AKR1C3: variants seen among roughly 807,000 people sequenced by gnomAD.
AKR1C3 encodes the protein aldo-keto reductase family 1 member C3.
Under a neutral mutation model 43.6 loss-of-function variants are expected in AKR1C3, and 48 were observed. That is an observed-to-expected ratio of 1.10 (90% confidence interval 0.87 to 1.40). The LOEUF is 1.40. Among genes scored for constraint, AKR1C3 ranks in the 40% most tolerant of loss-of-function variants. The pLI, the probability that AKR1C3 is intolerant of heterozygous loss-of-function variation, is 0.00. For missense variants in AKR1C3, 482 were observed against 391.2 expected (o/e 1.23, Z -1.96); for synonymous variants, 162 against 139.6 (o/e 1.16, Z -1.13).
chr10:5,067,005 C>G (rs1838519108), intron 1 of AKR1C3, among the ~76,000 whole-genome samples: 2 of 152,152 alleles, frequency 1.3e-5, no homozygotes, highest in Admixed American at 6.5e-5. Context: ...TCTCTTTAAC[C>G]CATGATGTGG....
chr10:5,050,020 G>C (rs1838120333), intron 1 of AKR1C3, among the ~76,000 whole-genome samples: 1 of 122,938 alleles, frequency 8.1e-6, no homozygotes, highest in African/African-American at 3.5e-5. Context: ...CTGCCCATGT[G>C]GCCGCATTAG....
chr10:5,093,793 C>A (rs978012228), upstream of AKR1C3: 9 of 152,044 alleles, frequency 5.9e-5, no homozygotes, highest in Non-Finnish European at 1.2e-4. Flanking sequence ...TTTATTTGCA[C>A]CCTCATCAGG....
intron 1 of AKR1C3, among the ~76,000 whole-genome samples, chr10:5,063,131 A>G (rs1315354022): frequency 6.6e-6 from 1 of 152,198 alleles, no homozygotes; most frequent in Non-Finnish European, 1.5e-5. Flanking sequence ...AAATTTTGGA[A>G]TTGTACTCTA....
intron 7 of AKR1C3, among the ~76,000 whole-genome samples, chr10:5,102,986 A>T (rs12775701): frequency 6.6e-6 from 1 of 150,522 alleles, no homozygotes; most frequent in Admixed American, 6.6e-5. Context: ...TGTCTCCCAG[A>T]TGGGATGATT....
chr10:5,095,309 C>T (rs538843923), intron 1 of AKR1C3, among the ~76,000 whole-genome samples: 2 of 152,024 alleles, frequency 1.3e-5, no homozygotes, highest in South Asian at 4.2e-4. Flanking sequence ...CTCACTTTAT[C>T]GATAAGTTGT....
intron 1 of AKR1C3, among the ~76,000 whole-genome samples, chr10:5,050,632 CAT>C (rs1554778844): frequency 6.6e-6 from 1 of 152,032 alleles, no homozygotes; most frequent in African/African-American, 2.4e-5. Flanking sequence ...GAAAATAAAA[CAT>C]AAAAAGGAAA....
At chr10:5,099,658 G>C in intron 5 of AKR1C3, 1 of 830,970 alleles carries the variant, frequency 1.2e-6, no homozygotes, top group Non-Finnish European at 1.8e-6. Flanking sequence ...GTTTAATGCT[G>C]AATCGTGTGT....
intron 1 of AKR1C3, among the ~76,000 whole-genome samples, chr10:5,070,277 T>C (rs1265619359): frequency 4.6e-5 from 7 of 152,210 alleles, no homozygotes; most frequent in Admixed American, 1.3e-4. Context: ...CAGCAAAATA[T>C]GTTACCAGTG....
chr10:5,064,779 C>T (rs1838460355), intron 1 of AKR1C3, among the ~76,000 whole-genome samples: 1 of 150,746 alleles, frequency 6.6e-6, no homozygotes, highest in South Asian at 2.1e-4. Flanking sequence ...ATGAAAAATG[C>T]TCAACATCAC....
chr10:5,090,295 A>C (rs1465199642), upstream of AKR1C3, among the ~76,000 whole-genome samples: 1 of 152,182 alleles, frequency 6.6e-6, no homozygotes, highest in East Asian at 1.9e-4. Flanking sequence ...TTACCAGAGA[A>C]ACTTCTGTTG....
chr10:5,098,506 C>T (rs1259056767), intron 3 of AKR1C3, among the ~76,000 whole-genome samples: 3 of 152,200 alleles, frequency 2.0e-5, no homozygotes, highest in Middle Eastern at 3.4e-3. Context: ...AGAGGTACTT[C>T]AATAGAGGAA....
At chr10:5,088,718 C>G (rs1402697177) in intron 1 of AKR1C3, among the ~76,000 whole-genome samples, 1 of 151,290 alleles carries the variant, frequency 6.6e-6, no homozygotes, top group Non-Finnish European at 1.5e-5. Context: ...GGTAGATCTC[C>G]TGTAGATAAA....
At chr10:5,102,390 C>G in intron 6 of AKR1C3, 95 bp from the exon 7 acceptor site, 1 of 1,568,004 alleles carries the variant, frequency 6.4e-7, no homozygotes, top group Non-Finnish European at 8.7e-7. Context: ...GCTTGAGAAG[C>G]TCCGGTGCAG....
chr10:5,100,131 A>G (rs1564370441), intron 5 of AKR1C3, among the ~76,000 whole-genome samples: 1 of 152,118 alleles, frequency 6.6e-6, no homozygotes, highest in Non-Finnish European at 1.5e-5. Context: ...CATCTCTACT[A>G]AAAATACAAA....
intron 5 of AKR1C3, among the ~76,000 whole-genome samples, chr10:5,100,526 G>T (rs559532677): frequency 6.6e-6 from 1 of 152,164 alleles, no homozygotes; most frequent in South Asian, 2.1e-4. Flanking sequence ...TATTGTTAAT[G>T]ATTCCAGGCC....
intron 3 of AKR1C3, 121 bp downstream of exon 3, chr10:5,097,671 C>T (rs1235683647): frequency 6.4e-7 from 1 of 1,567,384 alleles, no homozygotes; most frequent in South Asian, 1.2e-5. Flanking sequence ...AGAAGAAGAA[C>T]CGTAAGTGGA....
At chr10:5,106,851 C>T (rs1296610634) in intron 8 of AKR1C3, among the ~76,000 whole-genome samples, 1 of 151,698 alleles carries the variant, frequency 6.6e-6, no homozygotes, top group African/African-American at 2.4e-5. Context: ...TACAGTGGCC[C>T]TTCATAAGTG....
chr10:5,072,753 A>T (rs1397243058), intron 1 of AKR1C3, among the ~76,000 whole-genome samples: 1 of 152,202 alleles, frequency 6.6e-6, no homozygotes, highest in African/African-American at 2.4e-5. Context: ...GAATGTTATA[A>T]AAAGAATGTT....
upstream of AKR1C3, chr10:5,094,215 C>T (rs1839157757): frequency 3.2e-6 from 1 of 314,706 alleles, no homozygotes; most frequent in Non-Finnish European, 6.1e-6. Flanking sequence ...TTTATTATAA[C>T]CATATATTAT....
Sources: allele counts gnomAD v4.1 joint callset (sites outside exome capture counted in the v4.1 genomes callset), GRCh38; gene constraint gnomAD v4.1.1; transcripts MANE v1.5; gene names NCBI Gene and HGNC (gene_info 2026-07-23, HGNC 2026-07-21).